The following CA10 variants were observed in gnomAD, a reference collection of about 807,000 sequenced individuals.
The protein encoded by CA10 is carbonic anhydrase-related protein 10.
CA10 carries 14 observed loss-of-function variants against 44.2 expected under a neutral mutation model. That is an observed-to-expected ratio of 0.32 (90% CI 0.21 to 0.50). CA10 has a LOEUF of 0.50. CA10 is among the 20% of genes least tolerant of loss of function. CA10 has a pLI of 0.99. For synonymous variants in CA10, 159 were observed against 141.6 expected, an observed-to-expected ratio of 1.12 and a Z score of -0.87; for missense variants, 350 against 409.7, an observed-to-expected ratio of 0.85 and a Z score of 1.26.
chr17:51,689,056 G>A (rs1018842044), intron 4 of CA10, among the ~76,000 whole-genome samples: 2 of 152,122 alleles, frequency 1.3e-5, no homozygotes, highest in African/African-American at 4.8e-5. Context: ...TAAAACCTGG[G>A]CGTTTCAGCT....
intron 4 of CA10, among the ~76,000 whole-genome samples, chr17:51,707,948 T>C (rs1485717206): frequency 6.6e-6 from 1 of 152,114 alleles, no homozygotes; most frequent in East Asian, 1.9e-4. Context: ...ATGAAGACAC[T>C]GGAGTGGATA....
intron 4 of CA10, among the ~76,000 whole-genome samples, chr17:51,732,615 CA>C (rs199877252): frequency 0.031 from 4,656 of 152,242 alleles, 113 homozygotes; most frequent in Non-Finnish European, 0.046. Flanking sequence ...CTGTTCTCCC[CA>C]CCATACAGGC....
intron 4 of CA10, among the ~76,000 whole-genome samples, chr17:51,742,570 C>A (rs1023697757): frequency 1.3e-5 from 2 of 152,110 alleles, no homozygotes; most frequent in African/African-American, 4.8e-5. Context: ...GAGGACAAGG[C>A]CTGCATTTTC....
chr17:51,959,191 C>A (rs1390210063), intron 2 of CA10, among the ~76,000 whole-genome samples: 1 of 150,638 alleles, frequency 6.6e-6, no homozygotes, highest in Non-Finnish European at 1.5e-5. Context: ...GCATACACCT[C>A]AAACTCTGGA....
chr17:52,048,048 A>AT lies in CA10; in HGVS notation c.136+24270_136+24271insA, dbSNP rs1555561567. Among the ~76,000 whole-genome samples, 16 of 151,786 alleles carry AT rather than the reference A, an allele frequency of 1.1e-4. No homozygotes were observed. In the South Asian group the frequency reaches 2.9e-3, roughly 28 times the overall value. ...ATCTCCCACACCCACAAAAATTAAA[A>AT]AAAAAAAAAACATTTGTTTTTGGTT... On this transcript the variant is annotated intron_variant, in intron 2 of 8. Coordinates refer to ENST00000451037, the MANE Select transcript of CA10 (RefSeq NM_020178.5).
intron 2 of CA10, among the ~76,000 whole-genome samples, chr17:52,026,592 A>G (rs1986308326): frequency 6.6e-6 from 1 of 152,078 alleles, no homozygotes; most frequent in South Asian, 2.1e-4. Flanking sequence ...ATGGCTGGGG[A>G]GGCCTCAGAA....
chr17:51,900,836 G>A (rs954698959), intron 3 of CA10, among the ~76,000 whole-genome samples: 3 of 151,966 alleles, frequency 2.0e-5, no homozygotes, highest in East Asian at 1.9e-4. Context: ...TAAAATTCTC[G>A]AAGTCATTTT....
chr17:51,822,346 G>A (rs1907840122), intron 3 of CA10, among the ~76,000 whole-genome samples: 1 of 152,104 alleles, frequency 6.6e-6, no homozygotes, highest in Non-Finnish European at 1.5e-5. Context: ...CGAACTGGGA[G>A]GGAGAGGTTG....
chr17:51,819,545 T>C (rs894750905), intron 3 of CA10, among the ~76,000 whole-genome samples: 9 of 152,334 alleles, frequency 5.9e-5, no homozygotes, highest in East Asian at 3.9e-4. Flanking sequence ...TGGGAGCTGT[T>C]TGGGGCTAAT....
At chr17:51,730,904 TAAAA>T (rs34601669) in intron 4 of CA10, among the ~76,000 whole-genome samples, 2 of 147,840 alleles carry the variant, frequency 1.4e-5, no homozygotes, top group African/African-American at 2.5e-5. Context: ...AACACAGGGA[TAAAA>T]AAAAAAAAAA....
chr17:51,637,112 C>T (rs1018649761), intron 6 of CA10, among the ~76,000 whole-genome samples: 16 of 151,988 alleles, frequency 1.1e-4, no homozygotes, highest in African/African-American at 3.9e-4. Context: ...CTCCTCTTCT[C>T]CCCTCTTCAT....
At chr17:52,103,110 C>T (rs921303003) in intron 1 of CA10, among the ~76,000 whole-genome samples, 7 of 152,182 alleles carry the variant, frequency 4.6e-5, no homozygotes, top group Admixed American at 3.9e-4. Context: ...CAAAGAACGT[C>T]ACTAGATCTT....
At chr17:51,987,414 T>C (rs904740098) in intron 2 of CA10, among the ~76,000 whole-genome samples, 1 of 151,774 alleles carries the variant, frequency 6.6e-6, no homozygotes, top group Non-Finnish European at 1.5e-5. Context: ...AGACTACAAA[T>C]AGGGTGCAGT....
At chr17:51,874,296 A>G (rs1979949488) in intron 3 of CA10, among the ~76,000 whole-genome samples, 1 of 151,834 alleles carries the variant, frequency 6.6e-6, no homozygotes, top group Admixed American at 6.6e-5. Flanking sequence ...ATTTATGCCC[A>G]TTCTTAGTGG....
At chr17:51,699,717 G>A (rs1402924619) in intron 4 of CA10, among the ~76,000 whole-genome samples, 3 of 152,194 alleles carry the variant, frequency 2.0e-5, no homozygotes, top group Admixed American at 1.3e-4. Flanking sequence ...CCATGGTAAC[G>A]GGGCATTGCT....
At chr17:51,646,654 T>A (rs761563362) in intron 6 of CA10, among the ~76,000 whole-genome samples, 1 of 152,196 alleles carries the variant, frequency 6.6e-6, no homozygotes, top group African/African-American at 2.4e-5. Context: ...TCCAGTCTTA[T>A]GTTTCCCACC....
chr17:51,682,321 C>T (rs948106912), intron 4 of CA10, among the ~76,000 whole-genome samples: 1 of 152,166 alleles, frequency 6.6e-6, no homozygotes, highest in Non-Finnish European at 1.5e-5. Flanking sequence ...GGCCAAGGCA[C>T]AAGCTGAAAC....
At chr17:52,038,459 A>T (rs1986678971) in intron 2 of CA10, among the ~76,000 whole-genome samples, 1 of 152,216 alleles carries the variant, frequency 6.6e-6, no homozygotes, top group South Asian at 2.1e-4. Flanking sequence ...CAGGATTCTG[A>T]TACCATGTTG....
intron 2 of CA10, among the ~76,000 whole-genome samples, chr17:52,064,706 C>T (rs541461263): frequency 1.1e-4 from 16 of 152,202 alleles, no homozygotes; most frequent in African/African-American, 3.9e-4. Context: ...TGGAAAATAG[C>T]AAGCTGGGAG....
Sources: allele counts gnomAD v4.1 joint callset (sites outside exome capture counted in the v4.1 genomes callset), GRCh38; gene constraint gnomAD v4.1.1; transcripts MANE v1.5; gene names NCBI Gene and HGNC (gene_info 2026-07-23, HGNC 2026-07-21).